Variants in SHTN1 observed in about 807,000 individuals in gnomAD.
SHTN1 encodes the protein shootin 1, also known as shootin-1.
SHTN1 carries 42 observed loss-of-function variants against 83.1 expected under a neutral mutation model. The observed-to-expected ratio is 0.51, with a 90% CI of 0.39 to 0.65. The LOEUF (loss-of-function observed/expected upper bound fraction) is 0.65. Ranked by LOEUF, SHTN1 falls within the 30% of genes least tolerant of loss-of-function variation. SHTN1 has a pLI of 0.00. For missense variants in SHTN1, 622 were observed against 737.8 expected (o/e 0.84, Z 1.82); for synonymous variants, 224 against 247.7 (o/e 0.90, Z 0.90).
rs35586223 is a variant in SHTN1 at position 117,085,918 on chromosome 10, ATT to A, written c.-188-37410_-188-37409del. On this transcript the variant is annotated intron_variant, in intron 1 of 17. Transcript: ENST00000392901. Reference sequence around the variant, plus strand: ...CTTGATCTAAAGTCTGCTTTGTCTGATTTTTTTTTTTTTTTTTTTTGAGACGG... The same window carrying A: ...CTTGATCTAAAGTCTGCTTTGTCTGATTTTTTTTTTTTTTTTTTGAGACGG... Among the ~76,000 whole-genome samples the A allele has an allele frequency of 8.4e-4, 102 of 121,074 alleles. 1 individual carries two copies. The South Asian group carries it at 0.022, about 26-fold the overall frequency. The allele number at this position is 121,074 out of a possible 152,430, so 79.4% of individuals were successfully genotyped here.
chr10:116,980,842 C>T (rs1850989477), intron 1 of SHTN1, among the ~76,000 whole-genome samples: 1 of 152,070 alleles, frequency 6.6e-6, no homozygotes. Context: ...GTCCTAAAAT[C>T]CAAATTTAAA....
chr10:117,032,501 G>A, intron 2 of SHTN1, among the ~76,000 whole-genome samples: 1 of 152,052 alleles, frequency 6.6e-6, no homozygotes, highest in East Asian at 1.9e-4. Flanking sequence ...ACTGCACCCA[G>A]CCATATAACA....
chr10:117,102,062 T>C lies in SHTN1; in HGVS notation c.-189+24245A>G, dbSNP rs532088382. 1.6e-4 allele frequency among the ~76,000 whole-genome samples: 24 copies of C among 150,754 alleles called. No homozygotes were observed. The East Asian group carries it at 4.7e-3, about 29-fold the overall frequency. On this transcript the variant is annotated intron_variant, in intron 1 of 17. Coordinates refer to the SHTN1 transcript ENST00000392901. Reference sequence around the variant, plus strand: ...TAAAGCCATCAAAAAGAAACTTTGTTCTTAAAAAAAAAAAAAAAATCACCT... The same window carrying C: ...TAAAGCCATCAAAAAGAAACTTTGTCCTTAAAAAAAAAAAAAAAATCACCT...
chr10:116,987,736 G>A lies in SHTN1; in HGVS notation c.59-8428C>T, dbSNP rs1413516047. Among the ~76,000 whole-genome samples, 3 of 152,174 alleles carry A rather than the reference G, an allele frequency of 2.0e-5. No homozygotes were observed. The East Asian group carries it at 5.8e-4, about 29-fold the overall frequency. On this transcript the variant is annotated intron_variant, in intron 1 of 16. Transcript: ENST00000355371. ...TCGAGACCATCATGGCCAACATAGT[G>A]AAACCCCGTCTCTACTAAAAAAACA...
intron 9 of SHTN1, among the ~76,000 whole-genome samples, chr10:116,932,584 A>G (rs1355814615): frequency 6.6e-6 from 1 of 152,152 alleles, no homozygotes; most frequent in African/African-American, 2.4e-5. Context: ...ACTCTGCCCA[A>G]TTGTAGGCTA....
At chr10:116,893,168 T>G (rs1847392355) in intron 16 of SHTN1, among the ~76,000 whole-genome samples, 1 of 152,152 alleles carries the variant, frequency 6.6e-6, no homozygotes, top group Non-Finnish European at 1.5e-5. Context: ...CTCAGAACAC[T>G]TGTAAGACAA....
rs576999150 is a variant in SHTN1, at chr10:116,945,208, A to C, written c.617-190T>G. ...TGGCAACGTGAATCAAAAATCTAAA[A>C]CTATTCATACACTTTGAATAATCCC... On this transcript the variant is annotated intron_variant, in intron 7 of 16. Coordinates refer to ENST00000355371, the MANE Select transcript of SHTN1 (RefSeq NM_001127211.3). Among the ~76,000 whole-genome samples, 24 of 152,294 alleles carry C rather than the reference A, an allele frequency of 1.6e-4. No individual in the cohort carries two copies. The South Asian group carries it at 1.7e-3, about 11-fold the overall frequency.
intron 3 of SHTN1, 100 bp from the exon 4 acceptor site, chr10:116,960,330 G>T (rs1158597733): frequency 5.9e-6 from 4 of 680,018 alleles, no homozygotes; most frequent in Non-Finnish European, 1.0e-5. Context: ...TCAATTCTTT[G>T]GCTAGCCAGA....
chr10:117,009,229 AAGGC>A (rs1852066109), upstream of SHTN1, among the ~76,000 whole-genome samples: 1 of 152,212 alleles, frequency 6.6e-6, no homozygotes, highest in Admixed American at 6.5e-5. Flanking sequence ...AGTATAAAAT[AAGGC>A]AATAATGAAG....
In SHTN1 at chr10:116,963,195, C is replaced by A. The variant is rs1398692209; in HGVS notation, c.173-2965G>T. ...CACGCCATTCTCCTGCCTCAGCCTC[C>A]CGAGTAGCTGGGACTACAGGCGCCC... On this transcript the variant is annotated intron_variant, in intron 3 of 16. Transcript: ENST00000355371. Among the ~76,000 whole-genome samples the A allele has an allele frequency of 4.0e-5, 6 of 149,174 alleles. No homozygotes were observed. In the South Asian group the frequency reaches 1.1e-3, roughly 27 times the overall value.
At chr10:117,088,238 C>T (rs1013807257) in intron 1 of SHTN1, among the ~76,000 whole-genome samples, 4 of 152,178 alleles carry the variant, frequency 2.6e-5, no homozygotes, top group Non-Finnish European at 5.9e-5. Flanking sequence ...CACAGGAATA[C>T]ACAAAACAAA....
intron 16 of SHTN1, among the ~76,000 whole-genome samples, chr10:116,899,534 T>TGA (rs1418087915): frequency 2.3e-5 from 2 of 88,096 alleles, no homozygotes; most frequent in Admixed American, 1.2e-4. Flanking sequence ...TGTGTGTGTG[T>TGA]GTGTGTGTGT....
intron 1 of SHTN1, among the ~76,000 whole-genome samples, chr10:117,078,642 A>G (rs1012140726): frequency 6.6e-6 from 1 of 152,226 alleles, no homozygotes; most frequent in Non-Finnish European, 1.5e-5. Context: ...AATTGTTTGC[A>G]GCACATTACA....
At chr10:116,966,288 G>T (rs557359746) in intron 3 of SHTN1, among the ~76,000 whole-genome samples, 1 of 152,272 alleles carries the variant, frequency 6.6e-6, no homozygotes, top group East Asian at 1.9e-4. Context: ...GATTACAGGC[G>T]TGAGCCACTG....
chr10:117,085,960 G>C (rs549208288), intron 1 of SHTN1, among the ~76,000 whole-genome samples: 6 of 126,196 alleles, frequency 4.8e-5, no homozygotes, highest in African/African-American at 1.7e-4. Flanking sequence ...TCGCTCTGTA[G>C]ACCAGGCTGG....
chr10:116,906,820 A>AC, intron 14 of SHTN1, 73 bp from the exon 15 acceptor site: 1 of 1,224,376 alleles, frequency 8.2e-7, no homozygotes, highest in South Asian at 2.0e-5. Flanking sequence ...TAAAAATCAA[A>AC]CCATGAAAAC....
intron 2 of SHTN1, among the ~76,000 whole-genome samples, chr10:117,025,558 T>G (rs2133567774): frequency 6.6e-6 from 1 of 152,220 alleles, no homozygotes; most frequent in Non-Finnish European, 1.5e-5. Flanking sequence ...ACACACAACC[T>G]ACTGAGACAC....
At chr10:117,085,606 G>T (rs945227363) in intron 1 of SHTN1, among the ~76,000 whole-genome samples, 4 of 152,192 alleles carry the variant, frequency 2.6e-5, no homozygotes, top group African/African-American at 7.2e-5. Flanking sequence ...TGTCGTTGAA[G>T]TATTCTATAA....
chr10:117,061,192 G>A (rs1398641720), intron 1 of SHTN1, among the ~76,000 whole-genome samples: 1 of 148,434 alleles, frequency 6.7e-6, no homozygotes, highest in Non-Finnish European at 1.5e-5. Flanking sequence ...TGTCACTCAG[G>A]CTGGAGTGCA....
Sources: gnomAD v4.1 joint callset for allele counts (sites outside exome capture counted in the v4.1 genomes callset) on GRCh38, gnomAD v4.1.1 for gene constraint, MANE v1.5 for transcripts, NCBI Gene and HGNC (gene_info 2026-07-23, HGNC 2026-07-21) for gene names.